CCDC102B: variants seen among roughly 807,000 people sequenced by gnomAD.
CCDC102B encodes the protein coiled-coil domain-containing protein 102B.
A neutral mutation model predicts 57.4 loss-of-function variants in CCDC102B; 75 were observed. That is an observed-to-expected ratio of 1.31 (90% confidence interval 1.08 to 1.58). The LOEUF is 1.58. CCDC102B is among the 40% of genes most tolerant of loss of function. CCDC102B has a pLI of 0.00. For synonymous variants in CCDC102B, 206 were observed against 201.9 expected (o/e 1.02, Z -0.17); for missense variants, 636 against 582.6 (o/e 1.09, Z -0.94).
At chr18:68,901,069 T>C (rs2040433146) in intron 6 of CCDC102B, among the ~76,000 whole-genome samples, 1 of 152,188 alleles carries the variant, frequency 6.6e-6, no homozygotes, top group Non-Finnish European at 1.5e-5. Flanking sequence ...CAGGACATTA[T>C]AGAAGCAGAA....
intron 4 of CCDC102B, among the ~76,000 whole-genome samples, chr18:68,868,079 GAA>G (rs1007220163): frequency 6.7e-6 from 1 of 149,986 alleles, no homozygotes; most frequent in East Asian, 1.9e-4. Context: ...TGCATTTCCA[GAA>G]AAAAAAACTT....
At chr18:69,048,868 T>C (rs1029451069) in intron 7 of CCDC102B, among the ~76,000 whole-genome samples, 1 of 152,128 alleles carries the variant, frequency 6.6e-6, no homozygotes, top group African/African-American at 2.4e-5. Context: ...TGACTTTGTA[T>C]AGAGGAGGAT....
rs138656041 is a variant in CCDC102B, at chr18:68,836,336, T to C, written c.-15-413T>C. 7.2e-5 allele frequency among the ~76,000 whole-genome samples: 11 copies of C among 152,170 alleles called. No individual in the cohort carries two copies. In the East Asian group the frequency reaches 2.1e-3, roughly 29 times the overall value. On this transcript the variant is annotated intron_variant, in intron 1 of 7. Coordinates refer to ENST00000360242, the MANE Select transcript of CCDC102B (RefSeq NM_024781.3). ...AGTTACACTGGAAAAATATGCAATA[T>C]TGAAAAAGCACGGCCAGGCATGGTG... is the stretch of plus-strand genomic sequence containing the variant.
chr18:68,742,487 A>C (rs1036719837), intron 2 of CCDC102B, among the ~76,000 whole-genome samples: 7 of 152,186 alleles, frequency 4.6e-5, no homozygotes, highest in Non-Finnish European at 7.3e-5. Context: ...TCAAACCACA[A>C]CTGACTATTA....
At chr18:68,717,690 C>G (rs988029505) in intron 2 of CCDC102B, among the ~76,000 whole-genome samples, 1 of 152,242 alleles carries the variant, frequency 6.6e-6, no homozygotes, top group African/African-American at 2.4e-5. Context: ...TTCTGCTTAT[C>G]TACCTCAAGT....
At chr18:68,865,316 TTTC>T (rs1448967107) in intron 4 of CCDC102B, among the ~76,000 whole-genome samples, 3 of 152,118 alleles carry the variant, frequency 2.0e-5, no homozygotes, top group African/African-American at 4.8e-5. Context: ...GTCAGTAGAT[TTTC>T]TTAACCTACT....
At chr18:68,752,367 A>G (rs58818966) in intron 2 of CCDC102B, among the ~76,000 whole-genome samples, 2,213 of 152,258 alleles carry the variant, frequency 0.015, 62 homozygotes, top group African/African-American at 0.051. Context: ...TTAGAGGAAA[A>G]GAAAATAACT....
intron 6 of CCDC102B, among the ~76,000 whole-genome samples, chr18:68,981,073 G>A (rs2050567333): frequency 6.6e-6 from 1 of 151,992 alleles, no homozygotes; most frequent in African/African-American, 2.4e-5. Flanking sequence ...GGATGGCTGA[G>A]TTTTATTTTC....
chr18:68,763,695 C>T (rs191354388), intron 2 of CCDC102B, among the ~76,000 whole-genome samples: 1,616 of 90,854 alleles, frequency 0.018, 12 homozygotes, highest in Non-Finnish European at 0.025. Flanking sequence ...ACAAATATTC[C>T]TCAATACAGA....
chr18:68,948,301 A>G (rs2049596684), intron 6 of CCDC102B, among the ~76,000 whole-genome samples: 2 of 152,242 alleles, frequency 1.3e-5, no homozygotes, highest in African/African-American at 2.4e-5. Context: ...GATATAGCAT[A>G]CCAATCTTCC....
intron 2 of CCDC102B, among the ~76,000 whole-genome samples, chr18:68,784,601 A>G (rs1172352640): frequency 2.0e-5 from 3 of 152,222 alleles, no homozygotes; most frequent in Non-Finnish European, 2.9e-5. Context: ...TATTGTTTTT[A>G]TTAAAGAATA....
chr18:69,017,816 G>C (rs2051711247), intron 7 of CCDC102B, among the ~76,000 whole-genome samples: 1 of 152,086 alleles, frequency 6.6e-6, no homozygotes, highest in African/African-American at 2.4e-5. Flanking sequence ...CCTGCCCCGG[G>C]TAACCACCTG....
chr18:68,765,582 A>G (rs1194750073), intron 2 of CCDC102B, among the ~76,000 whole-genome samples: 1 of 152,176 alleles, frequency 6.6e-6, no homozygotes, highest in Non-Finnish European at 1.5e-5. Context: ...AATTTACATA[A>G]TCTATCTCCT....
At chr18:68,821,095 G>C (rs190916724) in intron 1 of CCDC102B, among the ~76,000 whole-genome samples, 207 of 152,162 alleles carry the variant, frequency 1.4e-3, no homozygotes, top group African/African-American at 4.8e-3. Flanking sequence ...ATATTATGTA[G>C]AGGATGTCCC....
chr18:68,899,120 G>A (rs113864307), intron 6 of CCDC102B, among the ~76,000 whole-genome samples: 1 of 154 alleles, frequency 6.5e-3, no homozygotes, highest in Admixed American at 0.042. Flanking sequence ...GGTGAGGGTG[G>A]TGGTTGGTGA....
At chr18:68,849,691 G>A (rs369993489) in intron 4 of CCDC102B, among the ~76,000 whole-genome samples, 2 of 152,134 alleles carry the variant, frequency 1.3e-5, no homozygotes, top group African/African-American at 4.8e-5. Context: ...GTCCAAGGAA[G>A]TCCACATTCA....
At chr18:68,806,851 G>C (rs1568261083) in intron 1 of CCDC102B, among the ~76,000 whole-genome samples, 1 of 152,004 alleles carries the variant, frequency 6.6e-6, no homozygotes, top group Non-Finnish European at 1.5e-5. Flanking sequence ...TACGTTTCAT[G>C]CTGTGTTTAA....
chr18:68,874,088 T>C (rs551121013), intron 4 of CCDC102B, among the ~76,000 whole-genome samples: 1 of 151,930 alleles, frequency 6.6e-6, no homozygotes, highest in Non-Finnish European at 1.5e-5. Flanking sequence ...TGTTTTTTTC[T>C]GCAGTCATTT....
chr18:69,021,306 G>T (rs1038036372), intron 7 of CCDC102B, among the ~76,000 whole-genome samples: 1 of 152,170 alleles, frequency 6.6e-6, no homozygotes, highest in African/African-American at 2.4e-5. Context: ...AATAGTGATA[G>T]ACTAAAATTC....
Sources: gnomAD v4.1 joint callset for allele counts (sites outside exome capture counted in the v4.1 genomes callset) on GRCh38, gnomAD v4.1.1 for gene constraint, MANE v1.5 for transcripts, NCBI Gene and HGNC (gene_info 2026-07-23, HGNC 2026-07-21) for gene names.